Variants in MAN1A1 observed in about 807,000 individuals in gnomAD.
The protein encoded by MAN1A1 is mannosidase alpha class 1A member 1, also known as mannosyl-oligosaccharide 1,2-alpha-mannosidase IA.
Under a neutral mutation model 70.8 loss-of-function variants are expected in MAN1A1, and 29 were observed. The observed-to-expected ratio is 0.41, with a 90% CI of 0.31 to 0.56. MAN1A1 has a LOEUF of 0.56. MAN1A1 is among the 20% of genes least tolerant of loss of function. The probability of loss-of-function intolerance (pLI) is 0.29; values close to 1 mark genes in which losing one functional copy is unlikely to be tolerated. For synonymous variants in MAN1A1, 349 were observed against 330.1 expected, an observed-to-expected ratio of 1.06 and a Z score of -0.62; for missense variants, 747 against 841.3, an observed-to-expected ratio of 0.89 and a Z score of 1.39.
intron 3 of MAN1A1, among the ~76,000 whole-genome samples, chr6:119,302,386 C>CTT (rs796260056): frequency 1.4e-5 from 2 of 146,776 alleles, no homozygotes; most frequent in Admixed American, 6.8e-5. Flanking sequence ...CATTCTCTCT[C>CTT]TTTTTTTTTT....
intron 6 of MAN1A1, among the ~76,000 whole-genome samples, chr6:119,208,626 G>A (rs1773953748): frequency 1.3e-5 from 2 of 152,200 alleles, no homozygotes; most frequent in Admixed American, 6.5e-5. Context: ...TTCTGGGAAT[G>A]GTTAATAGGG....
intron 6 of MAN1A1, among the ~76,000 whole-genome samples, chr6:119,218,872 T>TG (rs1317640024): frequency 1.3e-5 from 2 of 151,478 alleles, no homozygotes; most frequent in African/African-American, 4.8e-5. Context: ...AATAATTATC[T>TG]GTTTTTTTTT....
intron 6 of MAN1A1, among the ~76,000 whole-genome samples, chr6:119,232,679 A>ATGTGTGTG (rs78960133): frequency 1.7e-4 from 24 of 143,392 alleles, no homozygotes; most frequent in South Asian, 2.4e-4. Flanking sequence ...ACACATATAT[A>ATGTGTGTG]TGTGTGTGTG....
At chr6:119,339,986 G>A (rs1190978096) in intron 2 of MAN1A1, among the ~76,000 whole-genome samples, 3 of 152,166 alleles carry the variant, frequency 2.0e-5, no homozygotes, top group African/African-American at 4.8e-5. Flanking sequence ...AGCTACTCAG[G>A]AGGCTGAGGC....
At chr6:119,228,990 C>T (rs192044629) in intron 6 of MAN1A1, among the ~76,000 whole-genome samples, 149 of 152,142 alleles carry the variant, frequency 9.8e-4, no homozygotes, top group African/African-American at 3.4e-3. Flanking sequence ...AGCAATAATG[C>T]TAATTTTCTG....
chr6:119,218,752 T>C (rs1023368407), intron 6 of MAN1A1, among the ~76,000 whole-genome samples: 1 of 152,154 alleles, frequency 6.6e-6, no homozygotes, highest in African/African-American at 2.4e-5. Context: ...TATGTATGAA[T>C]GCACCCCGCG....
At chr6:119,256,419 T>TC (rs1336237437) in intron 5 of MAN1A1, among the ~76,000 whole-genome samples, 2 of 151,548 alleles carry the variant, frequency 1.3e-5, no homozygotes, top group Non-Finnish European at 2.9e-5. Flanking sequence ...TCATTATTTT[T>TC]TTTTTTTTCA....
At chr6:119,326,722 C>G (rs573931839) in intron 2 of MAN1A1, among the ~76,000 whole-genome samples, 1 of 152,180 alleles carries the variant, frequency 6.6e-6, no homozygotes, top group Non-Finnish European at 1.5e-5. Context: ...ACCATCAGAT[C>G]TTGTGAGAAC....
chr6:119,236,133 TAAA>T (rs367861780), intron 6 of MAN1A1, among the ~76,000 whole-genome samples: 6 of 137,028 alleles, frequency 4.4e-5, no homozygotes, highest in Admixed American at 2.2e-4. Flanking sequence ...AGACTCCGTC[TAAA>T]AAAAAAAAAA....
chr6:119,223,050 A>C (rs1774408175), intron 6 of MAN1A1, among the ~76,000 whole-genome samples: 1 of 152,180 alleles, frequency 6.6e-6, no homozygotes, highest in African/African-American at 2.4e-5. Context: ...TGGTTTAAAA[A>C]GGGGGGAAGG....
rs182477605 is a variant in MAN1A1, at chr6:119,257,259, A to G, written c.898-8905T>C. ...GATTACTAGGGTCTAGAAAATGGTG[A>G]GAGAGAGACAGATTAAATAAGATAA... On this transcript the variant is annotated intron_variant, in intron 5 of 12. Transcript: ENST00000368468. Among the ~76,000 whole-genome samples the G allele has an allele frequency of 3.3e-4, 49 of 150,646 alleles. No individual in the cohort carries two copies. The East Asian group carries it at 9.4e-3, about 29-fold the overall frequency.
intron 5 of MAN1A1, among the ~76,000 whole-genome samples, chr6:119,271,099 G>A (rs1239169101): frequency 6.6e-6 from 1 of 152,006 alleles, no homozygotes; most frequent in Non-Finnish European, 1.5e-5. Flanking sequence ...CCTAAGCATT[G>A]TATGGCAAGA....
At chr6:119,280,005 T>C (rs117508563) in intron 5 of MAN1A1, among the ~76,000 whole-genome samples, 5,154 of 152,330 alleles carry the variant, frequency 0.034, 126 homozygotes, top group Non-Finnish European at 0.048. Flanking sequence ...TAGTATTTTC[T>C]CTTGGACTCT....
chr6:119,308,898 T>G (rs183891910), intron 2 of MAN1A1, among the ~76,000 whole-genome samples: 1 of 152,218 alleles, frequency 6.6e-6, no homozygotes, highest in African/African-American at 2.4e-5. Flanking sequence ...TTGTCAAAAA[T>G]GATCACTTAT....
intron 6 of MAN1A1, among the ~76,000 whole-genome samples, chr6:119,214,833 G>A (rs543610978): frequency 9.9e-5 from 15 of 152,070 alleles, no homozygotes; most frequent in South Asian, 4.1e-4. Flanking sequence ...ACAAATTACC[G>A]TCATTATTTT....
upstream of MAN1A1, among the ~76,000 whole-genome samples, chr6:119,350,019 A>G (rs1279409484): frequency 6.6e-6 from 1 of 152,062 alleles, no homozygotes; most frequent in African/African-American, 2.4e-5. Context: ...CCCGTGGCTG[A>G]GGCCCAGCGC....
At chr6:119,309,247 T>G (rs1179961991) in intron 2 of MAN1A1, among the ~76,000 whole-genome samples, 1 of 152,244 alleles carries the variant, frequency 6.6e-6, no homozygotes, top group East Asian at 1.9e-4. Context: ...TGTAAGACAT[T>G]GTGTGAGTGT....
chr6:119,307,082 C>T (rs1772554057), intron 2 of MAN1A1, 90 bp from the exon 3 acceptor site: 1 of 773,858 alleles, frequency 1.3e-6, no homozygotes, highest in Non-Finnish European at 2.1e-6. Flanking sequence ...AAGGCTAAAA[C>T]ATTAAAATTC....
In MAN1A1 at chr6:119,216,761, G is replaced by C. The variant is rs17626690; in HGVS notation, c.993-11879C>G. ...GGTAAAAAATTGAAAAGAAACAAAA[G>C]ATTATGTAACAGAAATGAATCTGCC... On this transcript the variant is annotated intron_variant, in intron 6 of 12. Coordinates refer to ENST00000368468, the MANE Select transcript of MAN1A1 (RefSeq NM_005907.4). 8.5e-4 allele frequency among the ~76,000 whole-genome samples: 129 copies of C among 152,166 alleles called. 2 individuals carry two copies. In the East Asian group the frequency reaches 0.024, roughly 29 times the overall value.
Sources: gnomAD v4.1 joint callset for allele counts (sites outside exome capture counted in the v4.1 genomes callset) on GRCh38, gnomAD v4.1.1 for gene constraint, MANE v1.5 for transcripts, NCBI Gene and HGNC (gene_info 2026-07-23, HGNC 2026-07-21) for gene names.